The following ZNF33B variants were observed in gnomAD, a reference collection of about 807,000 sequenced individuals.
The protein encoded by ZNF33B is zinc finger protein 11b (KOX 2).
In ZNF33B, 29 loss-of-function variants were observed where a neutral mutation model predicts 45.8. The ratio of observed to expected loss-of-function variants is 0.63; its 90% CI spans 0.47 to 0.86. The LOEUF (loss-of-function observed/expected upper bound fraction) is 0.86, where lower values mean the gene tolerates loss of function less well. ZNF33B is among the 40% of genes least tolerant of loss of function. ZNF33B has a pLI of 0.00. For synonymous variants in ZNF33B, 305 were observed against 307.8 expected (o/e 0.99, Z 0.10); for missense variants, 831 against 909.9 (o/e 0.91, Z 1.12).
downstream of ZNF33B, among the ~76,000 whole-genome samples, chr10:42,587,198 TTTTTG>T (rs569993768): frequency 2.1e-3 from 322 of 152,206 alleles, 1 homozygote; most frequent in African/African-American, 7.4e-3. Context: ...CATGACTTGC[TTTTTG>T]TTTTGTTTTG....
intron 4 of ZNF33B, among the ~76,000 whole-genome samples, chr10:42,628,688 T>C (rs1407673685): frequency 6.6e-6 from 1 of 152,206 alleles, no homozygotes; most frequent in Non-Finnish European, 1.5e-5. Flanking sequence ...ACCTATGTTG[T>C]TCACTATGAG....
intron 1 of ZNF33B, among the ~76,000 whole-genome samples, chr10:42,581,393 G>T (rs1836822486): frequency 6.6e-6 from 1 of 150,992 alleles, no homozygotes; most frequent in Non-Finnish European, 1.5e-5. Flanking sequence ...GAACCCAGGA[G>T]GTGGAGGTTG....
intron 4 of ZNF33B, among the ~76,000 whole-genome samples, chr10:42,597,650 A>G (rs1455990949): frequency 3.3e-5 from 5 of 152,130 alleles, no homozygotes; most frequent in Non-Finnish European, 4.4e-5. Flanking sequence ...CAGCTGATGC[A>G]ATCATTAGGG....
chr10:42,597,095 A>G (rs1480847794), intron 4 of ZNF33B, among the ~76,000 whole-genome samples: 1 of 151,956 alleles, frequency 6.6e-6, no homozygotes, highest in African/African-American at 2.4e-5. Context: ...TCTATTCTTC[A>G]TTTGAGAGTT....
chr10:42,606,387 C>A (rs1837852702), intron 4 of ZNF33B, among the ~76,000 whole-genome samples: 1 of 151,960 alleles, frequency 6.6e-6, no homozygotes, highest in Admixed American at 6.6e-5. Flanking sequence ...ATCACTTGAA[C>A]CCAGGAGACA....
chr10:42,575,273 C>T (rs1015124720), intron 1 of ZNF33B, among the ~76,000 whole-genome samples: 1 of 152,006 alleles, frequency 6.6e-6, no homozygotes, highest in African/African-American at 2.4e-5. Flanking sequence ...GTGGTTGGTT[C>T]ACATGCATGG....
downstream of ZNF33B, among the ~76,000 whole-genome samples, chr10:42,587,340 C>G (rs1253647373): frequency 6.6e-6 from 1 of 152,128 alleles, no homozygotes; most frequent in East Asian, 1.9e-4. Context: ...GCTGGGATTA[C>G]AGGTGCCCAC....
intron 1 of ZNF33B, among the ~76,000 whole-genome samples, chr10:42,575,710 T>C (rs1232338173): frequency 7.2e-6 from 1 of 138,070 alleles, no homozygotes; most frequent in Non-Finnish European, 1.5e-5. Context: ...GACTGCATAA[T>C]AATATATATA....
chr10:42,594,750 A>G (rs760601098), intron 4 of ZNF33B, 51 bp from the exon 5 acceptor site: 2 of 1,505,080 alleles, frequency 1.3e-6, no homozygotes, highest in East Asian at 4.6e-5. Context: ...AACATCTCTT[A>G]GGGAATGAAA....
intron 4 of ZNF33B, among the ~76,000 whole-genome samples, chr10:42,595,247 A>G (rs140210403): frequency 1.4e-3 from 218 of 152,304 alleles, no homozygotes; most frequent in Non-Finnish European, 2.6e-3. Flanking sequence ...ATGAAACACA[A>G]AACTACTCCC....
chr10:42,581,508 A>T (rs1160984526), intron 1 of ZNF33B: 1 of 150,766 alleles, frequency 6.6e-6, no homozygotes, highest in African/African-American at 2.4e-5. Context: ...ACGGGAAGAC[A>T]TGGAGATTGG....
chr10:42,619,845 T>C (rs1838492440), intron 4 of ZNF33B, among the ~76,000 whole-genome samples: 1 of 152,084 alleles, frequency 6.6e-6, no homozygotes, highest in Non-Finnish European at 1.5e-5. Flanking sequence ...TCATGTTTAA[T>C]TACAAAGACA....
At chr10:42,633,776 T>C (rs1839160467) in intron 2 of ZNF33B, among the ~76,000 whole-genome samples, 1 of 152,178 alleles carries the variant, frequency 6.6e-6, no homozygotes, top group Non-Finnish European at 1.5e-5. Context: ...GAGACCAGCC[T>C]GACCAAAATG....
intron 3 of ZNF33B, 98 bp from the exon 4 acceptor site, chr10:42,632,122 G>A: frequency 6.7e-7 from 1 of 1,498,886 alleles, no homozygotes. Context: ...AGTTGCCAGT[G>A]GAACATTTTC....
At chr10:42,616,507 C>T (rs1275858858) in intron 4 of ZNF33B, among the ~76,000 whole-genome samples, 1 of 152,038 alleles carries the variant, frequency 6.6e-6, no homozygotes, top group Non-Finnish European at 1.5e-5. Context: ...ATAATCAAAT[C>T]GTCTGCACAC....
chr10:42,594,147 G>A lies in ZNF33B; in HGVS notation c.803C>T (p.Pro268Leu), dbSNP rs1395757277. The A allele has an allele frequency of 6.2e-7, 1 of 1,613,858 alleles. No individual in the cohort carries two copies. Among genetic ancestry groups the A allele is most frequent in the Admixed American group, 1.7e-5 (1 of 59,976 alleles). ...DSSSLLFHQI[P>L]PSKDSHYEFS... Reference sequence around the variant, plus strand: ...TTCATAGTGACTGTCCTTTGATGGAGGTATCTGATGGAACAAGAGGGATGA... The same window carrying A: ...TTCATAGTGACTGTCCTTTGATGGAAGTATCTGATGGAACAAGAGGGATGA... The change falls in exon 5 of 5, where the codon CCT becomes CTT. Residue 268 changes from proline to leucine, a missense_variant. Coordinates refer to ENST00000359467, the MANE Select transcript of ZNF33B (RefSeq NM_006955.3).
rs541876573 is a variant in ZNF33B, at chr10:42,589,498, G to C, written c.*3115C>G. 1 of 152,134 alleles carries C rather than the reference G, an allele frequency of 6.6e-6. No homozygotes were observed. Among genetic ancestry groups the C allele is most frequent in the African/African-American group, 2.4e-5 (1 of 41,434 alleles). 9.4% of individuals were successfully genotyped at this position (152,134 alleles called of 1,614,324 possible). ...CAACCACTGGTCCTTTGACTCGCTC[G>C]ATAGTTTTGCCTCTCCCAGAATGTC... On this transcript the variant is annotated 3_prime_UTR_variant, in exon 5 of 5. Coordinates refer to ENST00000359467, the MANE Select transcript of ZNF33B (RefSeq NM_006955.3).
intron 4 of ZNF33B, among the ~76,000 whole-genome samples, chr10:42,608,662 A>G (rs1589043646): frequency 6.6e-6 from 1 of 152,218 alleles, no homozygotes; most frequent in South Asian, 2.1e-4. Flanking sequence ...AGAGATTTGT[A>G]GCTGTAATAA....
intron 4 of ZNF33B, among the ~76,000 whole-genome samples, chr10:42,616,178 A>C (rs563507761): frequency 5.5e-4 from 83 of 152,066 alleles, no homozygotes; most frequent in Non-Finnish European, 1.0e-3. Context: ...GGTTGCAGTG[A>C]GCTGAGACCA....
Sources: gnomAD v4.1 joint callset for allele counts (sites outside exome capture counted in the v4.1 genomes callset) on GRCh38, gnomAD v4.1.1 for gene constraint, MANE v1.5 for transcripts, NCBI Gene and HGNC (gene_info 2026-07-23, HGNC 2026-07-21) for gene names.